The following RCOR3 variants were observed in gnomAD, a reference collection of about 807,000 sequenced individuals.
The protein encoded by RCOR3 is REST corepressor 3.
In RCOR3, 13 loss-of-function variants were observed where a neutral mutation model predicts 64.1. The observed-to-expected ratio is 0.20, with a 90% CI of 0.13 to 0.32. The LOEUF is 0.32. Ranked by LOEUF, RCOR3 falls within the 10% of genes least tolerant of loss-of-function variation. The probability of loss-of-function intolerance (pLI) is 1.00; values close to 1 mark genes in which losing one functional copy is unlikely to be tolerated. For missense variants in RCOR3, 489 were observed against 701.2 expected (o/e 0.70, Z 3.42); for synonymous variants, 215 against 239.0 (o/e 0.90, Z 0.93).
rs113701499 is a variant in RCOR3, at chr1:211,262,130, C to T, written c.223+1966C>T. Among the ~76,000 whole-genome samples, 898 of 145,220 alleles carry T rather than the reference C, an allele frequency of 6.2e-3. 9 individuals are homozygous for T. Among genetic ancestry groups the T allele is most frequent in the African/African-American group, 0.021 (825 of 39,138 alleles). On this transcript the variant is annotated intron_variant, in intron 2 of 11. Coordinates refer to ENST00000419091, the MANE Select transcript of RCOR3 (RefSeq NM_001136223.3). ...TCGGCTCACTGCAACCTCTGCCTCC[C>T]GGGTTCAAGCGATTGTCCTGCCTCA...
chr1:211,313,976 C>T lies in RCOR3; in HGVS notation c.*208C>T, dbSNP rs1476110427. ...TTTACAACAAAAAGCCTCCAGTTAG[C>T]CTCCTTTCTAGAGTATATGTTCAGC... On this transcript the variant is annotated 3_prime_UTR_variant, in exon 12 of 12. Coordinates refer to ENST00000419091, the MANE Select transcript of RCOR3 (RefSeq NM_001136223.3). This position sits in a 1 kb window ranked among gnomAD's most constrained non-coding sequence, Gnocchi z 4.7. 14 of 579,942 alleles carry T rather than the reference C, an allele frequency of 2.4e-5. No individual in the cohort carries two copies. The highest frequency in any genetic ancestry group is 4.3e-5 in the Non-Finnish European group (14 of 328,052). The allele number at this position is 579,942 out of a possible 1,614,324, so 35.9% of individuals were successfully genotyped here.
intron 9 of RCOR3, 45 bp downstream of exon 9, chr1:211,295,798 G>A (rs761295327): frequency 6.6e-7 from 1 of 1,509,280 alleles, no homozygotes; most frequent in South Asian, 1.1e-5. Context: ...GTGAAAACTT[G>A]TTTTTTCAGT....
chr1:211,288,440 T>C (rs1489181348), intron 7 of RCOR3, among the ~76,000 whole-genome samples: 7 of 147,206 alleles, frequency 4.8e-5, no homozygotes, highest in Non-Finnish European at 4.5e-5. Context: ...TTTATTTATA[T>C]TTTTATTATA....
intron 8 of RCOR3, among the ~76,000 whole-genome samples, chr1:211,290,817 G>A (rs1175064698): frequency 6.6e-6 from 1 of 152,168 alleles, no homozygotes; most frequent in Non-Finnish European, 1.5e-5. Context: ...GCAGGTTACA[G>A]TAGAGGTAGA....
chr1:211,262,562 T>A (rs1437938555), intron 2 of RCOR3, among the ~76,000 whole-genome samples: 1 of 152,180 alleles, frequency 6.6e-6, no homozygotes, highest in Non-Finnish European at 1.5e-5. Context: ...ATACCTATAT[T>A]TTTGCCCCAG....
At chr1:211,267,006 G>T (rs1251925432) in intron 2 of RCOR3, among the ~76,000 whole-genome samples, 1 of 152,200 alleles carries the variant, frequency 6.6e-6, no homozygotes, top group Non-Finnish European at 1.5e-5. Context: ...TTATTTTGTA[G>T]TTGATAAGGT....
intron 6 of RCOR3, among the ~76,000 whole-genome samples, chr1:211,278,726 T>C (rs184874585): frequency 6.6e-6 from 1 of 152,206 alleles, no homozygotes; most frequent in Non-Finnish European, 1.5e-5. Flanking sequence ...TAGAAGTGTT[T>C]GCTAAAAGAA....
rs926331709 is a variant in RCOR3 at position 211,286,830 on chromosome 1, T to TTG, written c.721-2346_721-2345dup. On this transcript the variant is annotated intron_variant, in intron 7 of 11. Coordinates refer to ENST00000419091, the MANE Select transcript of RCOR3 (RefSeq NM_001136223.3). ...TCACAAATCAAACATATAGTCCGTT[T>TTG]TGTTTAGATTTACCCACATTTTTAA... Among the ~76,000 whole-genome samples the TTG allele has an allele frequency of 4.5e-4, 69 of 152,368 alleles. 1 individual carries two copies. The highest frequency in any genetic ancestry group is 1.6e-3 in the African/African-American group (65 of 41,594).
chr1:211,271,245 C>T lies in RCOR3; in HGVS notation c.237C>T (p.Tyr79=). ...TTTTTCCCCCAGGTGCTACAAAGTACACAGATAAAGACAATGGAGGGATGC... is the reference window on the plus strand; with the variant it reads ...TTTTTCCCCCAGGTGCTACAAAGTATACAGATAAAGACAATGGAGGGATGC... The part of the protein sequence containing the change: ...IPEFDPGATK[Y]TDKDNGGMLV... Residue 79 remains tyrosine (Y), a synonymous_variant, in exon 3 of 12, where the codon TAC becomes TAT. Coordinates refer to ENST00000419091, the MANE Select transcript of RCOR3 (RefSeq NM_001136223.3). 1 of 1,612,750 alleles carries T rather than the reference C, an allele frequency of 6.2e-7. No homozygotes were observed. Among genetic ancestry groups the T allele is most frequent in the Non-Finnish European group, 8.5e-7 (1 of 1,179,116 alleles).
At chr1:211,278,068 A>G in intron 5 of RCOR3, 49 bp from the exon 6 acceptor site, 3 of 1,482,780 alleles carry the variant, frequency 2.0e-6, no homozygotes, top group South Asian at 2.5e-5. Flanking sequence ...AAAATTATTC[A>G]TTTTGTTTAT....
chr1:211,265,696 C>T (rs925652283), intron 2 of RCOR3, among the ~76,000 whole-genome samples: 3 of 151,922 alleles, frequency 2.0e-5, no homozygotes, highest in Non-Finnish European at 4.4e-5. Flanking sequence ...TCCAGCCTGG[C>T]GACAGAGCGA....
intron 2 of RCOR3, among the ~76,000 whole-genome samples, chr1:211,265,487 G>A (rs986901608): frequency 2.0e-5 from 3 of 152,204 alleles, no homozygotes; most frequent in Admixed American, 2.0e-4. Flanking sequence ...GGAAGCCAAG[G>A]CAGGTGGATC....
chr1:211,286,278 C>G (rs1698508953), intron 7 of RCOR3, among the ~76,000 whole-genome samples: 1 of 150,544 alleles, frequency 6.6e-6, no homozygotes, highest in South Asian at 2.1e-4. Context: ...TTCTTTCCCT[C>G]TGTGTTTGTT....
chr1:211,304,176 T>G, intron 10 of RCOR3, 36 bp downstream of exon 10: 1 of 1,465,414 alleles, frequency 6.8e-7, no homozygotes, highest in African/African-American at 1.4e-5. Flanking sequence ...TTGTTAATAA[T>G]TATTTAATTT....
chr1:211,279,101 C>T (rs1697409978), intron 6 of RCOR3, 137 bp from the exon 7 acceptor site: 2 of 515,654 alleles, frequency 3.9e-6, no homozygotes, highest in African/African-American at 4.0e-5. Flanking sequence ...GTGAGAGAAT[C>T]GCTTGAACCC....
Position 211,283,656 on chromosome 1 carries a change from T to A in RCOR3, c.720+4340T>A, listed in dbSNP as rs1304178421. On this transcript the variant is annotated intron_variant, in intron 7 of 11. Transcript: ENST00000419091. ...TTCGTTCGTGGAGGTTTTTGTTTTGTTTTTTTAGAGACAGAATCTTGCTTA... is the reference window on the plus strand; with the variant it reads ...TTCGTTCGTGGAGGTTTTTGTTTTGATTTTTTAGAGACAGAATCTTGCTTA... 2.0e-5 allele frequency among the ~76,000 whole-genome samples: 3 copies of A among 152,262 alleles called. No individual in the cohort carries two copies. The East Asian group carries it at 5.8e-4, about 29-fold the overall frequency.
chr1:211,268,654 G>A (rs772767210), intron 2 of RCOR3, among the ~76,000 whole-genome samples: 1 of 152,014 alleles, frequency 6.6e-6, no homozygotes, highest in Non-Finnish European at 1.5e-5. Flanking sequence ...TGGGATTATA[G>A]ACTTGAGCCA....
In RCOR3 at chr1:211,268,622, CCA is replaced by C. The variant is rs1695639426; in HGVS notation, c.224-2608_224-2607del. Among the ~76,000 whole-genome samples, 3 of 152,028 alleles carry C rather than the reference CCA, an allele frequency of 2.0e-5. No homozygotes were observed. The South Asian group carries it at 6.2e-4, about 32-fold the overall frequency. On this transcript the variant is annotated intron_variant, in intron 2 of 11. Transcript: ENST00000419091. The stretch of plus-strand genomic sequence containing the variant: ...GAACTCCCGACCTCAGGTGATCCGT[CCA>C]CCTCGGCCTCTCAAAGTGCTGGGAT...
intron 9 of RCOR3, chr1:211,303,762 G>A (rs1700606527): frequency 6.0e-6 from 1 of 167,180 alleles, no homozygotes; most frequent in African/African-American, 2.4e-5. Context: ...AGGAGATGGA[G>A]ACCATCCTGG....
Sources: allele counts gnomAD v4.1 joint callset (sites outside exome capture counted in the v4.1 genomes callset), GRCh38; gene constraint gnomAD v4.1.1; non-coding constraint Gnocchi (gnomAD v3.1); transcripts MANE v1.5; gene names NCBI Gene and HGNC (gene_info 2026-07-23, HGNC 2026-07-21).